The following ITM2C variants were observed in gnomAD, a reference collection of about 807,000 sequenced individuals.
The protein encoded by ITM2C is BRICHOS domain containing 2C.
Under a neutral mutation model 30.0 loss-of-function variants are expected in ITM2C, and 20 were observed. The ratio of observed to expected loss-of-function variants is 0.67; its 90% confidence interval spans 0.47 to 0.97. The LOEUF is 0.97. ITM2C is among the 50% of genes least tolerant of loss of function. The pLI, the probability that ITM2C is intolerant of heterozygous loss-of-function variation, is 0.00. For missense variants in ITM2C, 366 were observed against 371.9 expected (o/e 0.98, Z 0.13); for synonymous variants, 167 against 156.4 (o/e 1.07, Z -0.51).
Position 230,878,176 on chromosome 2 carries a change from C to T in ITM2C, c.*77C>T, listed in dbSNP as rs1689977998. 9.4e-7 allele frequency: 1 copy of T among 1,067,656 alleles called. No individual in the cohort carries two copies. The highest frequency in any genetic ancestry group is 1.6e-5 in the South Asian group (1 of 63,274). 66.1% of individuals were successfully genotyped at this position (1,067,656 alleles called of 1,614,324 possible). ...CTGCTCTCTGGCCCTCCTCCTTCCCCCTGCTTAGCTTGTACTTTGGACGCG... is the reference window on the plus strand; with the variant it reads ...CTGCTCTCTGGCCCTCCTCCTTCCCTCTGCTTAGCTTGTACTTTGGACGCG... On this transcript the variant is annotated 3_prime_UTR_variant, in exon 6 of 6. Transcript: ENST00000326427. The surrounding 1 kb of genome is among the most constrained non-coding windows in gnomAD (Gnocchi z 4.5).
chr2:230,873,386 G>A lies in ITM2C; in HGVS notation c.121-31G>A. 2.7e-6 allele frequency: 4 copies of A among 1,500,696 alleles called. 1 individual carries two copies. The South Asian group carries it at 4.2e-5, about 16-fold the overall frequency. The allele number at this position is 1,500,696 out of a possible 1,614,324, so 93.0% of individuals were successfully genotyped here. A position where few individuals can be genotyped will look rare whatever the true frequency, so the allele number is the denominator to read the frequency against. On this transcript the variant is annotated intron_variant, in intron 1 of 5. Transcript: ENST00000326427. The stretch of plus-strand genomic sequence containing the variant: ...GGGGATTTCCAGGGGAGGGGCCCTG[G>A]CCCCCACTGACCCAGCATTGCTATC...
chr2:230,877,436 G>C lies in ITM2C; in HGVS notation c.598G>C (p.Glu200Gln). The change falls in exon 5 of 6, where the codon GAG becomes CAG. Residue 200 changes from glutamate (E) to glutamine (Q), a missense_variant. Physicochemically the swap from Glu to Gln is conservative, Grantham distance 29 (BLOSUM62 2). Coordinates refer to ENST00000326427, the MANE Select transcript of ITM2C (RefSeq NM_030926.6). The surrounding 1 kb of genome is among the most constrained non-coding windows in gnomAD (Gnocchi z 4.8). ...CCTGCCGCAGACGTACATCATCCAGGAGGAGATGGTGGTCACGGAGCATGT... is the reference window on the plus strand; with the variant it reads ...CCTGCCGCAGACGTACATCATCCAGCAGGAGATGGTGGTCACGGAGCATGT... ...TYLPQTYIIQ[E>Q]EMVVTEHVSD... 1 of 1,614,092 alleles carries C rather than the reference G, an allele frequency of 6.2e-7. No homozygotes were observed. Among genetic ancestry groups the C allele is most frequent in the Non-Finnish European group, 8.5e-7 (1 of 1,179,992 alleles).
Position 230,877,307 on chromosome 2 carries a change from C to A in ITM2C, c.562-93C>A, listed in dbSNP as rs1697328222. ...ACATCAGAAGGGCCAGCCCAGGGGC[C>A]TCTGGAGGAGGGAGGTGGGCTGGCA... On this transcript the variant is annotated intron_variant, in intron 4 of 5. Transcript: ENST00000326427. The surrounding 1 kb of genome is among the most constrained non-coding windows in gnomAD (Gnocchi z 4.8). 2 of 1,354,854 alleles carry A rather than the reference C, an allele frequency of 1.5e-6. No homozygotes were observed. The highest frequency in any genetic ancestry group is 2.1e-6 in the Non-Finnish European group (2 of 966,208). 83.9% of individuals were successfully genotyped at this position (1,354,854 alleles called of 1,614,324 possible).
At chr2:230,875,903 C>A in intron 3 of ITM2C, 95 bp downstream of exon 3, 1 of 1,016,844 alleles carries the variant, frequency 9.8e-7, no homozygotes, top group Non-Finnish European at 1.4e-6. Context: ...CCTCGGAGTA[C>A]AGCAGGTGTC....
In ITM2C at chr2:230,875,653, C is replaced by T. The variant is rs1390619204; in HGVS notation, c.295C>T (p.Leu99=). The T allele has an allele frequency of 6.2e-7, 1 of 1,611,712 alleles. No homozygotes were observed. Among genetic ancestry groups the T allele is most frequent in the Non-Finnish European group, 8.5e-7 (1 of 1,178,770 alleles). ...ARDNFFRCGV[L]YEDSLSSQVR... Reference sequence around the variant, plus strand: ...AGATAACTTCTTCCGCTGTGGTGTGCTGTATGAGGACTCCCTGTCCTCCCA... The same window carrying T: ...AGATAACTTCTTCCGCTGTGGTGTGTTGTATGAGGACTCCCTGTCCTCCCA... Residue 99 remains leucine (L), a synonymous_variant, in exon 3 of 6, where the codon CTG becomes TTG. Transcript: ENST00000326427.
intron 3 of ITM2C, among the ~76,000 whole-genome samples, chr2:230,876,522 C>T (rs1174641063): frequency 1.3e-5 from 2 of 152,196 alleles, no homozygotes; most frequent in Non-Finnish European, 2.9e-5. Flanking sequence ...CGCTCTGTCG[C>T]CCAGGCTGGA....
intron 2 of ITM2C, among the ~76,000 whole-genome samples, chr2:230,874,902 G>A (rs1443507213): frequency 1.3e-5 from 2 of 152,266 alleles, no homozygotes; most frequent in Admixed American, 1.3e-4. Flanking sequence ...TGGCCCACCA[G>A]ACACAGTGTC....
intron 2 of ITM2C, 31 bp downstream of exon 2, chr2:230,873,588 C>G: frequency 6.3e-7 from 1 of 1,580,022 alleles, no homozygotes; most frequent in Non-Finnish European, 8.6e-7. Flanking sequence ...GGGGCAAGGC[C>G]TCGAGAAAGG....
Position 230,876,927 on chromosome 2 carries a change from T to C in ITM2C, c.521T>C (p.Leu174Pro). Reference sequence around the variant, plus strand: ...ATCGAACTCAACACCACCATTGTGCTGCCCCCTCGCAACTTCTGGGAGCTC... The same window carrying C: ...ATCGAACTCAACACCACCATTGTGCCGCCCCCTCGCAACTTCTGGGAGCTC... ...YVIELNTTIVLPPRNFWELLM... is the reference protein window; with the variant it reads ...YVIELNTTIVPPPRNFWELLM... Residue 174 changes from leucine (L) to proline (P), a missense_variant, in exon 4 of 6, where the codon CTG (leucine) becomes CCG (proline). Transcript: ENST00000326427. 4 of 1,614,032 alleles carry C rather than the reference T, an allele frequency of 2.5e-6. No individual in the cohort carries two copies. The highest frequency in any genetic ancestry group is 3.4e-6 in the Non-Finnish European group (4 of 1,179,910).
chr2:230,875,862 A>G (rs1289291961), intron 3 of ITM2C, 54 bp downstream of exon 3: 1 of 1,236,756 alleles, frequency 8.1e-7, no homozygotes, highest in Non-Finnish European at 1.2e-6. Flanking sequence ...CCGGGGACTC[A>G]GGGCAAGGGG....
At position 230,875,690 on chromosome 2, in the gene ITM2C, A is replaced by T; in HGVS notation, c.332A>T (p.Gln111Leu). The T allele has an allele frequency of 6.2e-7, 1 of 1,613,560 alleles. No individual in the cohort carries two copies. The highest frequency in any genetic ancestry group is 8.5e-7 in the Non-Finnish European group (1 of 1,179,606). Residue 111 changes from glutamine to leucine, a missense_variant, in exon 3 of 6, where the codon CAG becomes CTG. Gln to Leu is a moderately radical substitution (Grantham distance 113). Coordinates refer to ENST00000326427, the MANE Select transcript of ITM2C (RefSeq NM_030926.6). ...TCCCTGTCCTCCCAGGTCCGGACTC[A>T]GATGGAGCTGGAAGAGGATGTGAAA... is the stretch of plus-strand genomic sequence containing the variant. ...EDSLSSQVRT[Q>L]MELEEDVKIY...
At chr2:230,871,151 G>T (rs911073147) in intron 1 of ITM2C, among the ~76,000 whole-genome samples, 2 of 152,264 alleles carry the variant, frequency 1.3e-5, no homozygotes, top group Non-Finnish European at 2.9e-5. Flanking sequence ...GACCCGAGAA[G>T]GGGGAGGTTG....
intron 1 of ITM2C, among the ~76,000 whole-genome samples, chr2:230,868,115 C>A (rs1019666702): frequency 1.8e-4 from 28 of 152,274 alleles, no homozygotes; most frequent in South Asian, 1.0e-3. Context: ...GGAGCACCCT[C>A]TCGGTGGGCA....
Position 230,876,849 on chromosome 2 carries a change from C to G in ITM2C, c.451-8C>G, listed in dbSNP as rs1052824441. The G allele has an allele frequency of 6.3e-7, 1 of 1,599,982 alleles. No individual in the cohort carries two copies. The highest frequency in any genetic ancestry group is 1.3e-5 in the African/African-American group (1 of 74,732). ...TGCAGAGACTGACCCAACCCCTTCT[C>G]CTGCCAGGGTCTGACTGCGTACCAT... On this transcript the variant is annotated splice_region_variant and splice_polypyrimidine_tract_variant and intron_variant, in intron 3 of 5. Coordinates refer to ENST00000326427, the MANE Select transcript of ITM2C (RefSeq NM_030926.6).
upstream of ITM2C, chr2:230,864,922 G>A: frequency 8.0e-7 from 1 of 1,248,706 alleles, no homozygotes; most frequent in African/African-American, 1.6e-5. This position sits in a 1 kb window ranked among gnomAD's most constrained non-coding sequence, Gnocchi z 4.3. Flanking sequence ...AGGGACGCGA[G>A]CGGGATCCAA....
intron 1 of ITM2C, among the ~76,000 whole-genome samples, chr2:230,867,498 G>A (rs1697056788): frequency 6.6e-6 from 1 of 152,188 alleles, no homozygotes. Context: ...CAGCCAGGAG[G>A]CTGCTTTCTC....
At position 230,877,502 on chromosome 2, in the gene ITM2C, T is replaced by G; in HGVS notation, c.664T>G (p.Cys222Gly). 1.2e-6 allele frequency: 2 copies of G among 1,613,960 alleles called. No individual in the cohort carries two copies. Among genetic ancestry groups the G allele is most frequent in the Non-Finnish European group, 1.7e-6 (2 of 1,179,990 alleles). ...EALGSFIYHL[C>G]NGKDTYRLRR... ...CCTGGGGTCCTTCATCTACCACCTGTGCAACGGGAAAGACACCTACCGGCT... is the reference window on the plus strand; with the variant it reads ...CCTGGGGTCCTTCATCTACCACCTGGGCAACGGGAAAGACACCTACCGGCT... The change falls in exon 5 of 6, where the codon TGC becomes GGC. Residue 222 changes from cysteine (C) to glycine (G), a missense_variant. By Grantham distance (159) the Cys-to-Gly change is radical. Coordinates refer to ENST00000326427, the MANE Select transcript of ITM2C (RefSeq NM_030926.6). This position sits in a 1 kb window ranked among gnomAD's most constrained non-coding sequence, Gnocchi z 4.8.
chr2:230,874,014 G>A (rs1424246626), intron 2 of ITM2C, among the ~76,000 whole-genome samples: 1 of 152,262 alleles, frequency 6.6e-6, no homozygotes. Context: ...CCTTCCAGAA[G>A]CAGGAGTGTG....
At position 230,865,002 on chromosome 2, in the gene ITM2C, G is replaced by T; in HGVS notation, c.-24G>T. On this transcript the variant is annotated 5_prime_UTR_variant, in exon 1 of 6. Coordinates refer to ENST00000326427, the MANE Select transcript of ITM2C (RefSeq NM_030926.6). The surrounding 1 kb of genome is among the most constrained non-coding windows in gnomAD (Gnocchi z 6.8). ...AGGCTGCACCGGCAGAGGCTGCGGG[G>T]CGGACGCGCGGGCCGGCGCAGCCAT... The T allele has an allele frequency of 6.9e-7, 1 of 1,456,964 alleles. No homozygotes were observed. The allele number at this position is 1,456,964 out of a possible 1,614,324, so 90.3% of individuals were successfully genotyped here.
Sources: gnomAD v4.1 joint callset for allele counts (sites outside exome capture counted in the v4.1 genomes callset) on GRCh38, gnomAD v4.1.1 for gene constraint, Gnocchi (gnomAD v3.1) non-coding constraint, MANE v1.5 for transcripts, NCBI Gene and HGNC (gene_info 2026-07-23, HGNC 2026-07-21) for gene names.